The following SGCZ variants were observed in gnomAD, a reference collection of about 807,000 sequenced individuals.
SGCZ encodes the protein sarcoglycan zeta.
A neutral mutation model predicts 41.3 loss-of-function variants in SGCZ; 40 were observed. The ratio of observed to expected loss-of-function variants is 0.97; its 90% confidence interval spans 0.75 to 1.26. The LOEUF is 1.26. Ranked by LOEUF, SGCZ falls within the 50% of genes most tolerant of loss-of-function variation. The pLI is 0.00. For missense variants in SGCZ, 552 were observed against 369.8 expected, an observed-to-expected ratio of 1.49 and a Z score of -4.04; for synonymous variants, 206 against 137.5, an observed-to-expected ratio of 1.50 and a Z score of -3.49.
chr8:14,704,628 C>T (rs1168764185), intron 1 of SGCZ, among the ~76,000 whole-genome samples: 2 of 151,938 alleles, frequency 1.3e-5, no homozygotes, highest in Non-Finnish European at 2.9e-5. Flanking sequence ...GGCTCACTTT[C>T]TCCATCTTTA....
At chr8:14,258,811 T>C (rs185388456) in intron 3 of SGCZ, among the ~76,000 whole-genome samples, 40 of 152,246 alleles carry the variant, frequency 2.6e-4, no homozygotes, top group Admixed American at 1.3e-3. Flanking sequence ...CGCAGCACAA[T>C]AGAAATAAAT....
At chr8:14,540,518 T>C (rs1435669825) in intron 2 of SGCZ, among the ~76,000 whole-genome samples, 1 of 151,806 alleles carries the variant, frequency 6.6e-6, no homozygotes. Flanking sequence ...CTTCCACTGA[T>C]TCCCAGATTT....
intron 2 of SGCZ, among the ~76,000 whole-genome samples, chr8:14,460,815 A>T (rs1397209970): frequency 6.6e-6 from 1 of 152,162 alleles, no homozygotes; most frequent in Non-Finnish European, 1.5e-5. Flanking sequence ...TTTGTATTCA[A>T]TTTAGATACT....
At position 14,164,610 on chromosome 8, in the gene SGCZ, T is replaced by C. The variant is rs754235175; in HGVS notation, c.517A>G (p.Thr173Ala). The C allele has an allele frequency of 7.4e-6, 12 of 1,613,522 alleles. No homozygotes were observed. The highest frequency in any genetic ancestry group is 9.3e-6 in the Non-Finnish European group (11 of 1,179,652). The change falls in exon 5 of 8, where the codon ACC becomes GCC. Residue 173 changes from threonine to alanine, a missense_variant. Transcript: ENST00000382080. ...VLFSADEDEITIGAEKLKVTG... is the reference protein window; with the variant it reads ...VLFSADEDEIAIGAEKLKVTG... ...ACTTTCAGCTTTTCAGCCCCAATGG[T>C]AATCTCATCTTCATCTGCAGAAAAC... is the stretch of plus-strand genomic sequence containing the variant.
chr8:14,712,917 A>T (rs1257504950), intron 1 of SGCZ, among the ~76,000 whole-genome samples: 1 of 152,040 alleles, frequency 6.6e-6, no homozygotes, highest in Non-Finnish European at 1.5e-5. Flanking sequence ...TTAAACAATA[A>T]ACCAATTAGG....
chr8:14,434,351 G>A (rs1462549353), intron 2 of SGCZ, among the ~76,000 whole-genome samples: 2 of 152,180 alleles, frequency 1.3e-5, no homozygotes, highest in Admixed American at 1.3e-4. Context: ...CTAGCACTAT[G>A]CTCTTTGGGT....
chr8:14,527,519 G>A (rs902912622), intron 2 of SGCZ, among the ~76,000 whole-genome samples: 1 of 151,748 alleles, frequency 6.6e-6, no homozygotes, highest in African/African-American at 2.4e-5. Flanking sequence ...TGCCCAGGGT[G>A]AGTAAGCATT....
At chr8:14,694,643 C>T (rs966974593) in intron 1 of SGCZ, among the ~76,000 whole-genome samples, 1 of 152,134 alleles carries the variant, frequency 6.6e-6, no homozygotes, top group Non-Finnish European at 1.5e-5. Context: ...ACAATGAACA[C>T]TCCCACATCT....
chr8:14,748,259 T>C (rs10092253), intron 1 of SGCZ, among the ~76,000 whole-genome samples: 3,867 of 152,248 alleles, frequency 0.025, 164 homozygotes, highest in African/African-American at 0.088. Context: ...GTTGAAGAAT[T>C]TGAATTTACA....
intron 1 of SGCZ, among the ~76,000 whole-genome samples, chr8:14,848,282 C>A (rs529746073): frequency 4.4e-4 from 67 of 152,204 alleles, no homozygotes; most frequent in African/African-American, 1.6e-3. Context: ...TATAAATTCT[C>A]CCCAAATGGG....
At chr8:14,729,180 C>A (rs929001273) in intron 1 of SGCZ, among the ~76,000 whole-genome samples, 2 of 152,160 alleles carry the variant, frequency 1.3e-5, no homozygotes, top group African/African-American at 4.8e-5. Context: ...TCACACCTTT[C>A]TTCCAAGGTG....
chr8:14,883,797 T>C lies in SGCZ; in HGVS notation c.40-328871A>G, dbSNP rs1009347311. On this transcript the variant is annotated intron_variant, in intron 1 of 7. Transcript: ENST00000382080. ...TGTTGTTTTTTTTTTTTTTTTTTTTTCCAATAGTACCCTTCTTCTATTTTG... is the reference window on the plus strand; with the variant it reads ...TGTTGTTTTTTTTTTTTTTTTTTTTCCCAATAGTACCCTTCTTCTATTTTG... 3.6e-4 allele frequency among the ~76,000 whole-genome samples: 53 copies of C among 145,466 alleles called. 1 individual carries two copies. The highest frequency in any genetic ancestry group is 9.9e-4 in the East Asian group (5 of 5,058).
intron 1 of SGCZ, among the ~76,000 whole-genome samples, chr8:14,715,095 A>G (rs2130154201): frequency 6.6e-6 from 1 of 152,282 alleles, no homozygotes; most frequent in South Asian, 2.1e-4. Flanking sequence ...ACAAAAAGGG[A>G]AAAGAACACT....
chr8:14,777,926 T>TCA (rs1800464750), intron 1 of SGCZ, among the ~76,000 whole-genome samples: 1 of 149,382 alleles, frequency 6.7e-6, no homozygotes, highest in Non-Finnish European at 1.5e-5. Context: ...AATAAGAACA[T>TCA]CATTTAAAGA....
chr8:14,150,891 A>T (rs1373563720), intron 5 of SGCZ, among the ~76,000 whole-genome samples: 1 of 152,198 alleles, frequency 6.6e-6, no homozygotes, highest in African/African-American at 2.4e-5. Flanking sequence ...ATGGAACTGG[A>T]GATCACTGTG....
intron 2 of SGCZ, among the ~76,000 whole-genome samples, chr8:14,512,676 G>C (rs1372694795): frequency 6.6e-6 from 1 of 151,876 alleles, no homozygotes. Flanking sequence ...ATGTTGCCCA[G>C]GCTGGTTTGA....
At chr8:14,528,290 A>G (rs551274168) in intron 2 of SGCZ, among the ~76,000 whole-genome samples, 47 of 152,284 alleles carry the variant, frequency 3.1e-4, no homozygotes, top group Admixed American at 5.2e-4. Flanking sequence ...CACATGAATT[A>G]TACCATCTGG....
At chr8:14,102,076 T>TTATATATATATA (rs55667194) in intron 7 of SGCZ, among the ~76,000 whole-genome samples, 24 of 119,898 alleles carry the variant, frequency 2.0e-4, no homozygotes, top group African/African-American at 8.3e-4. Flanking sequence ...TTGGCTAACT[T>TTATATATATATA]TATATATATA....
chr8:14,552,021 A>C (rs1803885401), intron 2 of SGCZ, among the ~76,000 whole-genome samples: 2 of 151,944 alleles, frequency 1.3e-5, no homozygotes. Context: ...TGTTGGATAC[A>C]ATAGTTATAA....
Sources: gnomAD v4.1 joint callset for allele counts (sites outside exome capture counted in the v4.1 genomes callset) on GRCh38, gnomAD v4.1.1 for gene constraint, MANE v1.5 for transcripts, NCBI Gene and HGNC (gene_info 2026-07-23, HGNC 2026-07-21) for gene names.